Variants in SLIT2 observed in about 807,000 individuals in gnomAD.
SLIT2 encodes slit homolog 2 protein.
Under a neutral mutation model 185.7 loss-of-function variants are expected in SLIT2, and 41 were observed. The observed-to-expected ratio is 0.22, with a 90% confidence interval of 0.17 to 0.29. SLIT2 has a LOEUF of 0.29. Among genes scored for constraint, SLIT2 ranks in the 10% least tolerant of loss-of-function variants. The probability of loss-of-function intolerance (pLI) is 1.00; values close to 1 mark genes in which losing one functional copy is unlikely to be tolerated. For synonymous variants in SLIT2, 693 were observed against 680.2 expected (o/e 1.02, Z -0.29); for missense variants, 1,571 against 1,909.0 (o/e 0.82, Z 3.30).
intron 18 of SLIT2, 27 bp downstream of exon 18, chr4:20,533,742 T>C: frequency 1.3e-6 from 2 of 1,592,380 alleles, no homozygotes; most frequent in Non-Finnish European, 1.7e-6. Flanking sequence ...GCATTGCAGT[T>C]CTTCTACCAA....
At chr4:20,356,053 A>G (rs1722296645) in intron 4 of SLIT2, among the ~76,000 whole-genome samples, 1 of 152,208 alleles carries the variant, frequency 6.6e-6, no homozygotes, top group Non-Finnish European at 1.5e-5. Flanking sequence ...ATAAATGATT[A>G]TGAAGATGTA....
rs202200803 is a variant in SLIT2, at chr4:20,541,625, A to T, written c.2143+6A>T. 9.1e-5 allele frequency: 146 copies of T among 1,612,808 alleles called. No homozygotes were observed. Among genetic ancestry groups the T allele is most frequent in the East Asian group, 4.2e-4 (19 of 44,870 alleles). ...GGACTTCACTTGTGATGACGGTAAGAAATACTTATCAACTCTTTGATTGTC... is the reference window on the plus strand; with the variant it reads ...GGACTTCACTTGTGATGACGGTAAGTAATACTTATCAACTCTTTGATTGTC... On this transcript the variant is annotated splice_donor_region_variant and intron_variant, in intron 20 of 36. Transcript: ENST00000504154.
intron 32 of SLIT2, among the ~76,000 whole-genome samples, chr4:20,597,116 A>T (rs1320011345): frequency 2.1e-5 from 3 of 142,694 alleles, no homozygotes; most frequent in Non-Finnish European, 4.5e-5. Context: ...CCCAGGCTGG[A>T]GTTCAGTGGC....
At position 20,532,064 on chromosome 4, in the gene SLIT2, T is replaced by A. The variant is rs369695668; in HGVS notation, c.1688+6T>A. ...CTTCCTCAATTACGTAAAATGTAAG[T>A]CACTTGTTAGCTATTTTTTTTATTT... On this transcript the variant is annotated splice_donor_region_variant and intron_variant, in intron 17 of 36. Coordinates refer to ENST00000504154, the MANE Select transcript of SLIT2 (RefSeq NM_004787.4). 6.6e-7 allele frequency: 1 copy of A among 1,510,522 alleles called. No individual in the cohort carries two copies. Among genetic ancestry groups the A allele is most frequent in the Non-Finnish European group, 8.9e-7 (1 of 1,121,662 alleles). The allele number at this position is 1,510,522 out of a possible 1,614,324, so 93.6% of individuals were successfully genotyped here.
At chr4:20,396,288 C>T (rs996153964) in intron 4 of SLIT2, among the ~76,000 whole-genome samples, 1 of 151,610 alleles carries the variant, frequency 6.6e-6, no homozygotes, top group African/African-American at 2.4e-5. Context: ...CAGTTATTCT[C>T]ATATATTTAA....
At chr4:20,324,199 T>G (rs1457850439) in intron 4 of SLIT2, among the ~76,000 whole-genome samples, 2 of 151,786 alleles carry the variant, frequency 1.3e-5, no homozygotes, top group Admixed American at 1.3e-4. Flanking sequence ...TGCGATAGAG[T>G]CTTTGGAGCC....
Position 20,253,416 on chromosome 4 carries a change from G to A in SLIT2, c.-400G>A, listed in dbSNP as rs1329966054. ...TTGCAGAAGCGTGCGTGGGATCAGA[G>A]GACCGCCCTCCCCACAACAACCGGC... On this transcript the variant is annotated 5_prime_UTR_variant, in exon 1 of 37. Transcript: ENST00000504154. 1.3e-5 allele frequency: 3 copies of A among 225,424 alleles called. No homozygotes were observed. The highest frequency in any genetic ancestry group is 6.8e-5 in the African/African-American group (3 of 44,100). The allele number at this position is 225,424 out of a possible 1,614,324, so 14.0% of individuals were successfully genotyped here.
intron 4 of SLIT2, among the ~76,000 whole-genome samples, chr4:20,324,998 C>G (rs1173630774): frequency 1.3e-5 from 2 of 152,032 alleles, no homozygotes; most frequent in African/African-American, 4.8e-5. Flanking sequence ...AAAGAAAAGC[C>G]ATAGGAAGTC....
chr4:20,556,173 T>G (rs558554718), intron 26 of SLIT2, among the ~76,000 whole-genome samples: 1 of 152,118 alleles, frequency 6.6e-6, no homozygotes, highest in South Asian at 2.1e-4. Context: ...CGATCCTAGA[T>G]CTTTATTGGG....
chr4:20,269,114 T>C (rs754011860), intron 4 of SLIT2, among the ~76,000 whole-genome samples: 1 of 151,890 alleles, frequency 6.6e-6, no homozygotes, highest in Non-Finnish European at 1.5e-5. Flanking sequence ...TGGATTATTA[T>C]TATTTTTTTG....
In SLIT2 at chr4:20,511,446, G is replaced by T. The variant is rs188841678; in HGVS notation, c.1058+309G>T. ...TTTTTTTTTTTTTTTTTTTGAGACG[G>T]AGTCTTGCTCTGTCGCCCAGACTGG... On this transcript the variant is annotated intron_variant, in intron 11 of 36. Transcript: ENST00000504154. 8.5e-3 allele frequency among the ~76,000 whole-genome samples: 1,204 copies of T among 142,096 alleles called. 16 individuals carry two copies. Among genetic ancestry groups the T allele is most frequent in the African/African-American group, 0.029 (1,118 of 38,398 alleles). 93.2% of individuals were successfully genotyped at this position (142,096 alleles called of 152,430 possible).
At chr4:20,325,634 A>G (rs898045818) in intron 4 of SLIT2, among the ~76,000 whole-genome samples, 4 of 152,160 alleles carry the variant, frequency 2.6e-5, no homozygotes, top group Admixed American at 6.6e-5. Context: ...CTGCTTTTAT[A>G]TAAGTATGAT....
chr4:20,330,741 G>A (rs1719993623), intron 4 of SLIT2, among the ~76,000 whole-genome samples: 1 of 151,874 alleles, frequency 6.6e-6, no homozygotes, highest in Non-Finnish European at 1.5e-5. Flanking sequence ...GACAACATGG[G>A]GGGAACATGG....
chr4:20,319,958 C>T (rs962018822), intron 4 of SLIT2, among the ~76,000 whole-genome samples: 20 of 152,070 alleles, frequency 1.3e-4, no homozygotes, highest in African/African-American at 4.6e-4. Flanking sequence ...AGCAGATCTC[C>T]GACGCCCGTG....
chr4:20,502,002 C>A (rs1040587618), intron 9 of SLIT2, among the ~76,000 whole-genome samples: 29 of 152,050 alleles, frequency 1.9e-4, no homozygotes, highest in Non-Finnish European at 2.6e-4. Flanking sequence ...CTTTCTTGTA[C>A]CTAATTTCCC....
Position 20,484,823 on chromosome 4 carries a change from G to C in SLIT2, c.540-1377G>C, listed in dbSNP as rs368118393. On this transcript the variant is annotated intron_variant, in intron 6 of 36. Transcript: ENST00000504154. This position sits in a 1 kb window ranked among gnomAD's most constrained non-coding sequence, Gnocchi z 4.3. ...CTTACAGCAGGTCAGTAGTCCATTG[G>C]AGCTGGAGATTATCTGCCACAAGAG... is the stretch of plus-strand genomic sequence containing the variant. Among the ~76,000 whole-genome samples, 1 of 152,118 alleles carries C rather than the reference G, an allele frequency of 6.6e-6. No homozygotes were observed. Among genetic ancestry groups the C allele is most frequent in the Non-Finnish European group, 1.5e-5 (1 of 67,994 alleles).
At chr4:20,380,774 A>T (rs1724442326) in intron 4 of SLIT2, among the ~76,000 whole-genome samples, 1 of 152,146 alleles carries the variant, frequency 6.6e-6, no homozygotes, top group Non-Finnish European at 1.5e-5. Context: ...CTGTGGGAAG[A>T]TGTTATGGTG....
intron 4 of SLIT2, among the ~76,000 whole-genome samples, chr4:20,463,366 T>C (rs1713929429): frequency 6.6e-6 from 1 of 150,418 alleles, no homozygotes; most frequent in African/African-American, 2.4e-5. Flanking sequence ...TGTTCCTTCT[T>C]TGATCTGTGT....
In SLIT2 at chr4:20,616,991, A is replaced by G; in HGVS notation, c.3929A>G (p.Asn1310Ser). 6.2e-7 allele frequency: 1 copy of G among 1,614,108 alleles called. No individual in the cohort carries two copies. ...NGTSFHGCIR[N>S]LYINSELQDF... The stretch of plus-strand genomic sequence containing the variant: ...ACCAGCTTCCACGGCTGCATCCGGA[A>G]CCTTTACATCAACAGTGAGCTGCAG... Residue 1310 changes from asparagine (N) to serine (S), a missense_variant, in exon 35 of 37, where the codon AAC (asparagine) becomes AGC (serine). Coordinates refer to ENST00000504154, the MANE Select transcript of SLIT2 (RefSeq NM_004787.4).
Sources: allele counts gnomAD v4.1 joint callset (sites outside exome capture counted in the v4.1 genomes callset), GRCh38; gene constraint gnomAD v4.1.1; non-coding constraint Gnocchi (gnomAD v3.1); transcripts MANE v1.5; gene names NCBI Gene and HGNC (gene_info 2026-07-23, HGNC 2026-07-21).